Variants in GRID2 observed in about 807,000 individuals in gnomAD.
GRID2 encodes glutamate receptor ionotropic, delta-2.
A neutral mutation model predicts 114.8 loss-of-function variants in GRID2; 33 were observed. The ratio of observed to expected loss-of-function variants is 0.29; its 90% confidence interval spans 0.22 to 0.38. The LOEUF is 0.38. Ranked by LOEUF, GRID2 falls within the 10% of genes least tolerant of loss-of-function variation. The pLI is 1.00. For missense variants in GRID2, 1,184 were observed against 1,257.7 expected (o/e 0.94, Z 0.89); for synonymous variants, 505 against 449.9 (o/e 1.12, Z -1.55).
chr4:93,554,304 T>C (rs1291439273), intron 13 of GRID2, among the ~76,000 whole-genome samples: 1 of 152,206 alleles, frequency 6.6e-6, no homozygotes, highest in Non-Finnish European at 1.5e-5. Flanking sequence ...TTTTTTTCTT[T>C]AGCTTTTATC....
chr4:92,452,874 C>T (rs1721006504), intron 1 of GRID2, among the ~76,000 whole-genome samples: 1 of 145,208 alleles, frequency 6.9e-6, no homozygotes, highest in African/African-American at 2.5e-5. Flanking sequence ...TATTTTTTTA[C>T]CATATATATA....
chr4:93,445,002 A>C (rs989664084), intron 10 of GRID2, among the ~76,000 whole-genome samples: 2 of 152,054 alleles, frequency 1.3e-5, no homozygotes, highest in Non-Finnish European at 2.9e-5. Flanking sequence ...GACTTCCCAC[A>C]ATATGAATTT....
At chr4:93,248,508 C>T (rs139096037) in intron 8 of GRID2, among the ~76,000 whole-genome samples, 1 of 152,082 alleles carries the variant, frequency 6.6e-6, no homozygotes, top group Non-Finnish European at 1.5e-5. Context: ...ATTCCAGGGG[C>T]TTTTCATTAC....
chr4:92,700,993 C>CAA (rs781142253), intron 2 of GRID2, among the ~76,000 whole-genome samples: 19,194 of 83,188 alleles, frequency 0.23, 1,597 homozygotes, highest in East Asian at 0.4. Context: ...GACTCCATCT[C>CAA]AAAAAAAAAA....
In GRID2 at chr4:93,289,895, A is replaced by G. The variant is rs190345947; in HGVS notation, c.1245+51405A>G. 1.7e-3 allele frequency among the ~76,000 whole-genome samples: 257 copies of G among 152,334 alleles called. 1 individual carries two copies. The highest frequency in any genetic ancestry group is 6.9e-3 in the Admixed American group (106 of 15,302). ...TAAAACAACTAACAATAAGGGAAAA[A>G]AATTGGAGTAAAGAAGTCCATAAGA... On this transcript the variant is annotated intron_variant, in intron 8 of 15. Transcript: ENST00000282020.
chr4:92,931,874 GA>G (rs1750267131), intron 2 of GRID2, among the ~76,000 whole-genome samples: 1 of 150,972 alleles, frequency 6.6e-6, no homozygotes, highest in Admixed American at 6.6e-5. Flanking sequence ...ATGGAAAAAA[GA>G]AGGCCTTTTT....
chr4:93,013,825 A>G (rs1578752307), intron 2 of GRID2, among the ~76,000 whole-genome samples: 1 of 151,798 alleles, frequency 6.6e-6, no homozygotes, highest in African/African-American at 2.4e-5. Context: ...TCACATATTC[A>G]TTTATTTTAA....
chr4:92,304,756 T>G lies in GRID2; in HGVS notation c.88+12T>G. On this transcript the variant is annotated intron_variant, in intron 1 of 15. Coordinates refer to ENST00000282020, the MANE Select transcript of GRID2 (RefSeq NM_001510.4). ...GATCATTCACATCGGTAAGAAAGTG[T>G]TGGTGCAGCTCGTGGTTACTTTTAC... 6.3e-7 allele frequency: 1 copy of G among 1,576,426 alleles called. No individual in the cohort carries two copies. Among genetic ancestry groups the G allele is most frequent in the Non-Finnish European group, 8.7e-7 (1 of 1,145,444 alleles).
At chr4:92,548,748 T>C (rs554164080) in intron 1 of GRID2, among the ~76,000 whole-genome samples, 1 of 152,014 alleles carries the variant, frequency 6.6e-6, no homozygotes, top group Non-Finnish European at 1.5e-5. Flanking sequence ...TTTCACAGGC[T>C]GTAAAGGAAG....
At chr4:93,378,889 G>T (rs182798130) in intron 8 of GRID2, among the ~76,000 whole-genome samples, 1 of 151,988 alleles carries the variant, frequency 6.6e-6, no homozygotes. Flanking sequence ...TATTTTTTTG[G>T]TTGGATAGAA....
rs867644657 is a variant in GRID2, at chr4:92,931,293, T to C, written c.245-153702T>C. The stretch of plus-strand genomic sequence containing the variant: ...AAAAGCCTGACATGACACTCATTTA[T>C]GTTTTAAAAAGGTAAGACTGGAAGA... On this transcript the variant is annotated intron_variant, in intron 2 of 15. Coordinates refer to ENST00000282020, the MANE Select transcript of GRID2 (RefSeq NM_001510.4). Among the ~76,000 whole-genome samples the C allele has an allele frequency of 2.6e-5, 4 of 151,122 alleles. No homozygotes were observed. The South Asian group carries it at 6.2e-4, about 24-fold the overall frequency.
intron 13 of GRID2, among the ~76,000 whole-genome samples, chr4:93,616,348 CGCCTG>C (rs1560823380): frequency 6.6e-6 from 1 of 151,714 alleles, no homozygotes; most frequent in Non-Finnish European, 1.5e-5. Context: ...GCTCGAGACC[CGCCTG>C]TCCAACATTG....
chr4:92,626,995 G>A (rs1271051850), intron 2 of GRID2, among the ~76,000 whole-genome samples: 1 of 152,040 alleles, frequency 6.6e-6, no homozygotes, highest in African/African-American at 2.4e-5. Context: ...CTGGAAATAG[G>A]AAATATAATA....
Position 93,110,911 on chromosome 4 carries a change from C to A in GRID2, c.693C>A (p.Ile231=), listed in dbSNP as rs745793210. Residue 231 remains isoleucine (I), a synonymous_variant, in exon 4 of 16, where the codon ATC becomes ATA. Transcript: ENST00000282020. ...NRYRDTLRRA[I]LVMNPATAKS... is the part of the protein sequence containing the mutation. ...ATCGAGACACTCTTAGGCGAGCGAT[C>A]CTTGTTATGAATCCTGCTACAGCCA... 2.5e-6 allele frequency: 4 copies of A among 1,612,900 alleles called. No homozygotes were observed. The highest frequency in any genetic ancestry group is 3.4e-6 in the Non-Finnish European group (4 of 1,178,922).
intron 2 of GRID2, among the ~76,000 whole-genome samples, chr4:92,792,456 AACACAC>A (rs35204445): frequency 0.17 from 22,694 of 135,942 alleles, 1,948 homozygotes; most frequent in Middle Eastern, 0.27. Flanking sequence ...CAGGCAAGAG[AACACAC>A]ACACACACAC....
At chr4:93,430,044 A>G (rs1206516576) in intron 10 of GRID2, among the ~76,000 whole-genome samples, 7 of 152,188 alleles carry the variant, frequency 4.6e-5, no homozygotes, top group South Asian at 2.1e-4. Flanking sequence ...CCTAATTTTT[A>G]TGGTTGACAC....
At chr4:93,372,701 A>G (rs1763046296) in intron 8 of GRID2, among the ~76,000 whole-genome samples, 2 of 152,068 alleles carry the variant, frequency 1.3e-5, no homozygotes. Context: ...TTCCATAAAC[A>G]TTGCTTCCAT....
chr4:92,358,739 A>G lies in GRID2; in HGVS notation c.88+53995A>G, dbSNP rs535472883. 7.0e-4 allele frequency among the ~76,000 whole-genome samples: 106 copies of G among 152,016 alleles called. 2 individuals carry two copies. Among genetic ancestry groups the G allele is most frequent in the Admixed American group, 6.2e-3 (95 of 15,226 alleles). On this transcript the variant is annotated intron_variant, in intron 1 of 15. Coordinates refer to ENST00000282020, the MANE Select transcript of GRID2 (RefSeq NM_001510.4). ...GTTCCTTCAAACAGAAATGTGGTAA[A>G]TGTAATGATGGGAAAAGGCTTTTCT...
At chr4:93,224,426 A>C (rs991780440) in intron 6 of GRID2, among the ~76,000 whole-genome samples, 188 bp from the exon 7 acceptor site, 4 of 152,190 alleles carry the variant, frequency 2.6e-5, no homozygotes, top group Non-Finnish European at 4.4e-5. Context: ...TGAGGCATAC[A>C]ATCAGACAAG....
Sources: allele counts gnomAD v4.1 joint callset (sites outside exome capture counted in the v4.1 genomes callset), GRCh38; gene constraint gnomAD v4.1.1; transcripts MANE v1.5; gene names NCBI Gene and HGNC (gene_info 2026-07-23, HGNC 2026-07-21).